Variants in NMS observed in about 807,000 individuals in gnomAD.
NMS encodes the protein neuromedin-S.
Under a neutral mutation model 32.2 loss-of-function variants are expected in NMS, and 30 were observed. That is an observed-to-expected ratio of 0.93 (90% CI 0.70 to 1.26). The LOEUF (loss-of-function observed/expected upper bound fraction) is 1.26. Ranked by LOEUF, NMS falls within the 50% of genes most tolerant of loss-of-function variation. NMS has a pLI of 0.00. For missense variants in NMS, 190 were observed against 186.3 expected (o/e 1.02, Z -0.12); for synonymous variants, 76 against 58.5 (o/e 1.30, Z -1.37).
chr2:100,474,308 C>A (rs978335453), intron 3 of NMS, among the ~76,000 whole-genome samples: 2 of 152,008 alleles, frequency 1.3e-5, no homozygotes, highest in Admixed American at 1.3e-4. Flanking sequence ...ATAATTTCAC[C>A]TTGAGCCACA....
intron 3 of NMS, among the ~76,000 whole-genome samples, chr2:100,476,803 A>G (rs905784072): frequency 2.0e-5 from 3 of 152,210 alleles, no homozygotes; most frequent in African/African-American, 7.2e-5. Context: ...GACTTTCTGC[A>G]AGGATAGCAA....
intron 9 of NMS, 81 bp downstream of exon 9, chr2:100,482,392 C>A: frequency 2.3e-6 from 3 of 1,310,474 alleles, no homozygotes; most frequent in Non-Finnish European, 3.3e-6. Context: ...GAGTGAGAGG[C>A]AGCCATGGGG....
intron 5 of NMS, among the ~76,000 whole-genome samples, chr2:100,478,364 T>A (rs1358584377): frequency 6.6e-6 from 1 of 152,204 alleles, no homozygotes; most frequent in Non-Finnish European, 1.5e-5. Flanking sequence ...CTTAAGAGGA[T>A]CCTTAAAAAA....
chr2:100,473,207 A>T (rs1008405489), intron 2 of NMS, among the ~76,000 whole-genome samples: 2 of 152,206 alleles, frequency 1.3e-5, no homozygotes, highest in Non-Finnish European at 2.9e-5. Flanking sequence ...TGATACTTTC[A>T]TATAGTGTGT....
intron 6 of NMS, among the ~76,000 whole-genome samples, chr2:100,479,794 T>G (rs972248643): frequency 6.6e-6 from 1 of 152,272 alleles, no homozygotes; most frequent in Non-Finnish European, 1.5e-5. Flanking sequence ...TGCTTCCCAT[T>G]GCCCTAGGTG....
chr2:100,480,504 G>A lies in NMS; in HGVS notation c.345G>A (p.Gly115=), dbSNP rs1677196989. ...GCCTCATTTCCTTGCAGGGCTCGGG[G>A]ACTGCTGCAGTGGACTTCACCAAGA... ...RMKRILQRGS[G]TAAVDFTKKD... Residue 115 remains glycine, a synonymous_variant, in exon 7 of 10, where the codon GGG becomes GGA. Coordinates refer to ENST00000376865, the MANE Select transcript of NMS (RefSeq NM_001011717.1). The A allele has an allele frequency of 6.2e-7, 1 of 1,613,338 alleles. No homozygotes were observed. The highest frequency in any genetic ancestry group is 8.5e-7 in the Non-Finnish European group (1 of 1,180,000).
rs1418054924 is a variant in NMS at position 100,470,520 on chromosome 2, T to C, written c.32T>C (p.Ile11Thr). 1 of 1,613,984 alleles carries C rather than the reference T, an allele frequency of 6.2e-7. No homozygotes were observed. Among genetic ancestry groups the C allele is most frequent in the Admixed American group, 1.7e-5 (1 of 60,016 alleles). Residue 11 changes from isoleucine to threonine, a missense_variant, in exon 1 of 10, where the codon ATC becomes ACC. Ile to Thr is a moderately conservative substitution (Grantham distance 89). Transcript: ENST00000376865. ...CATCTTCGTCCCCAGTTCCCTCTCA[T>C]CTTGGCCATCTACTGCTTCTGCATG... MKHLRPQFPLILAIYCFCMLQ... is the reference protein window; with the variant it reads MKHLRPQFPLTLAIYCFCMLQ...
intron 1 of NMS, among the ~76,000 whole-genome samples, chr2:100,471,089 C>T (rs905597645): frequency 6.6e-6 from 1 of 152,184 alleles, no homozygotes; most frequent in African/African-American, 2.4e-5. Flanking sequence ...CTCCCGGGGC[C>T]AGTGAGCTGT....
At chr2:100,479,555 G>A (rs1450528053) in intron 6 of NMS, 128 bp downstream of exon 6, 5 of 786,002 alleles carry the variant, frequency 6.4e-6, no homozygotes, top group Admixed American at 2.6e-5. Flanking sequence ...CCTTGGCAGG[G>A]AGCACTGAGC....
chr2:100,476,719 G>A (rs1489070228), intron 3 of NMS, among the ~76,000 whole-genome samples: 2 of 152,160 alleles, frequency 1.3e-5, no homozygotes, highest in African/African-American at 2.4e-5. Flanking sequence ...TCAGATAAGC[G>A]CACATGCAGC....
chr2:100,482,340 C>G (rs751187631), intron 9 of NMS, 29 bp downstream of exon 9: 3 of 1,609,642 alleles, frequency 1.9e-6, no homozygotes, highest in Middle Eastern at 1.7e-4. Flanking sequence ...GCTTCATCAC[C>G]CTTTTTCTCT....
At position 100,478,053 on chromosome 2, in the gene NMS, C is replaced by T. The variant is rs186982691; in HGVS notation, c.261+639C>T. ...CTCAGCTTACTGCAACCTCCGCCTC[C>T]GGGGTTCAAGTGATTGTCCTGTCTC... On this transcript the variant is annotated intron_variant, in intron 5 of 9. Transcript: ENST00000376865. Among the ~76,000 whole-genome samples the T allele has an allele frequency of 4.3e-3, 659 of 152,272 alleles. 16 individuals carry two copies. Among genetic ancestry groups the T allele is most frequent in the Admixed American group, 0.036 (556 of 15,300 alleles).
chr2:100,472,214 C>T (rs542721404), intron 1 of NMS, among the ~76,000 whole-genome samples: 2 of 152,110 alleles, frequency 1.3e-5, no homozygotes, highest in Admixed American at 6.6e-5. Flanking sequence ...TTGATTCTTT[C>T]GACTGCACTA....
intron 8 of NMS, among the ~76,000 whole-genome samples, chr2:100,482,010 C>T: frequency 6.6e-6 from 1 of 152,138 alleles, no homozygotes; most frequent in Non-Finnish European, 1.5e-5. Context: ...AACCTCCCAC[C>T]ACATAAGCAA....
At chr2:100,474,330 C>G (rs1677065246) in intron 3 of NMS, among the ~76,000 whole-genome samples, 1 of 151,138 alleles carries the variant, frequency 6.6e-6, no homozygotes, top group African/African-American at 2.5e-5. Flanking sequence ...CTCTTTATCC[C>G]TCACCTCCCC....
intron 9 of NMS, among the ~76,000 whole-genome samples, chr2:100,482,767 T>A (rs1358027059): frequency 6.6e-6 from 1 of 152,226 alleles, no homozygotes; most frequent in Non-Finnish European, 1.5e-5. Context: ...TGTTTCCCCC[T>A]TCCAATGGTG....
rs188025009 is a variant in NMS, at chr2:100,472,319, A to C, written c.77-476A>C. The stretch of plus-strand genomic sequence containing the variant: ...TGACAGGGTCCAGCTGCATGCCAGC[A>C]GCCTTCCCCAGAGCCCATCCCTAGA... On this transcript the variant is annotated intron_variant, in intron 1 of 9. Transcript: ENST00000376865. Among the ~76,000 whole-genome samples the C allele has an allele frequency of 7.4e-4, 113 of 152,372 alleles. 1 individual carries two copies. Among genetic ancestry groups the C allele is most frequent in the African/African-American group, 2.5e-3 (105 of 41,592 alleles).
chr2:100,473,932 C>T (rs1677052397), intron 3 of NMS, among the ~76,000 whole-genome samples: 1 of 152,098 alleles, frequency 6.6e-6, no homozygotes. Flanking sequence ...AATCCCAGCA[C>T]TTTGGGAGGC....
chr2:100,481,050 C>G, intron 7 of NMS, 76 bp from the exon 8 acceptor site: 1 of 1,473,832 alleles, frequency 6.8e-7, no homozygotes, highest in Non-Finnish European at 9.5e-7. Flanking sequence ...ATTTTGAAAA[C>G]TGTTCCTATA....
Sources: allele counts gnomAD v4.1 joint callset (sites outside exome capture counted in the v4.1 genomes callset), GRCh38; gene constraint gnomAD v4.1.1; transcripts MANE v1.5; gene names NCBI Gene and HGNC (gene_info 2026-07-23, HGNC 2026-07-21).